The following MTMR12 variants were observed in gnomAD, a reference collection of about 807,000 sequenced individuals.
The protein encoded by MTMR12 is myotubularin-related protein 12.
A neutral mutation model predicts 96.7 loss-of-function variants in MTMR12; 33 were observed. That is an observed-to-expected ratio of 0.34 (90% CI 0.26 to 0.46). The LOEUF (loss-of-function observed/expected upper bound fraction) is 0.46. Ranked by LOEUF, MTMR12 falls within the 20% of genes least tolerant of loss-of-function variation. The pLI is 1.00. For synonymous variants in MTMR12, 298 were observed against 327.2 expected (o/e 0.91, Z 0.96); for missense variants, 721 against 896.1 (o/e 0.80, Z 2.49).
chr5:32,302,061 T>G (rs1333591259), intron 1 of MTMR12, among the ~76,000 whole-genome samples: 3 of 152,190 alleles, frequency 2.0e-5, no homozygotes, highest in Non-Finnish European at 4.4e-5. Context: ...AGGGCTTCCC[T>G]TGCCCCCACT....
In MTMR12 at chr5:32,251,251, T is replaced by C. The variant is rs4867422; in HGVS notation, c.790-2373A>G. On this transcript the variant is annotated intron_variant, in intron 8 of 15. Transcript: ENST00000382142. Reference sequence around the variant, plus strand: ...TTTGTATTTTTAGTAGAGACGGGGTTTCACCGTTTTACCTCGTGATCCGCC... The same window carrying C: ...TTTGTATTTTTAGTAGAGACGGGGTCTCACCGTTTTACCTCGTGATCCGCC... 4.4e-3 allele frequency among the ~76,000 whole-genome samples: 671 copies of C among 152,162 alleles called. 21 individuals are homozygous for C. Among genetic ancestry groups the C allele is most frequent in the East Asian group, 0.037 (192 of 5,168 alleles).
At chr5:32,278,804 G>A (rs187331658) in intron 1 of MTMR12, among the ~76,000 whole-genome samples, 1 of 152,252 alleles carries the variant, frequency 6.6e-6, no homozygotes, top group African/African-American at 2.4e-5. Flanking sequence ...TTGGCCAGGT[G>A]TGGTGGCTCA....
At chr5:32,238,841 T>A (rs1748342802) in intron 13 of MTMR12, among the ~76,000 whole-genome samples, 160 bp downstream of exon 13, 1 of 152,238 alleles carries the variant, frequency 6.6e-6, no homozygotes. Context: ...ATTTAAAGTA[T>A]CCAAAGTCAT....
rs1187891201 is a variant in MTMR12 at position 32,227,715 on chromosome 5, A to T, written c.*2063T>A. The T allele has an allele frequency of 1.3e-5, 2 of 152,658 alleles. No individual in the cohort carries two copies. The highest frequency in any genetic ancestry group is 6.5e-5 in the Admixed American group (1 of 15,278). 9.5% of individuals were successfully genotyped at this position (152,658 alleles called of 1,614,324 possible). On this transcript the variant is annotated 3_prime_UTR_variant, in exon 16 of 16. Transcript: ENST00000382142. ...AAGTGGAGGTTAGTGCTAATTTAAG[A>T]AGGCCTATAGAATGTATGTGAAGGT...
At chr5:32,277,988 C>G (rs1581626764) in intron 1 of MTMR12, among the ~76,000 whole-genome samples, 1 of 152,206 alleles carries the variant, frequency 6.6e-6, no homozygotes, top group African/African-American at 2.4e-5. Context: ...TCATTTCTAA[C>G]AGAGAATCAA....
chr5:32,242,362 G>A (rs973236968), intron 11 of MTMR12, among the ~76,000 whole-genome samples: 1 of 152,098 alleles, frequency 6.6e-6, no homozygotes, highest in Non-Finnish European at 1.5e-5. Context: ...TAAAGTTGAT[G>A]TGAAAATGCT....
At chr5:32,243,901 T>C (rs1371171141) in intron 10 of MTMR12, among the ~76,000 whole-genome samples, 2 of 152,188 alleles carry the variant, frequency 1.3e-5, no homozygotes, top group African/African-American at 4.8e-5. Context: ...GAGAGTAACA[T>C]GCTTTAGGCA....
At chr5:32,292,458 T>G (rs1750771799) in intron 1 of MTMR12, among the ~76,000 whole-genome samples, 1 of 152,132 alleles carries the variant, frequency 6.6e-6, no homozygotes, top group Non-Finnish European at 1.5e-5. Flanking sequence ...TCCATTAAAC[T>G]GGAAGTTAAG....
intron 1 of MTMR12, among the ~76,000 whole-genome samples, chr5:32,305,620 G>T (rs921386837): frequency 2.0e-4 from 30 of 152,080 alleles, no homozygotes; most frequent in Non-Finnish European, 3.4e-4. Flanking sequence ...CTGGGATACC[G>T]CGGCCGGGCG....
chr5:32,267,511 C>T (rs1216375667), intron 6 of MTMR12, among the ~76,000 whole-genome samples: 2 of 152,088 alleles, frequency 1.3e-5, no homozygotes, highest in Non-Finnish European at 2.9e-5. Context: ...TTCAGATGAC[C>T]AGTTTTGTTC....
In MTMR12 at chr5:32,274,134, CA is replaced by C. The variant is rs746115953; in HGVS notation, c.143-13del. The C allele has an allele frequency of 6.2e-7, 1 of 1,613,622 alleles. No homozygotes were observed. Among genetic ancestry groups the C allele is most frequent in the Non-Finnish European group, 8.5e-7 (1 of 1,179,806 alleles). Reference sequence around the variant, plus strand: ...AAGCAGCTGTTCACCTGGTAGAAACCAAAACAGGTCCTCCTTAGAGTTCTCA... The same window carrying C: ...AAGCAGCTGTTCACCTGGTAGAAACCAAACAGGTCCTCCTTAGAGTTCTCA... On this transcript the variant is annotated splice_polypyrimidine_tract_variant and intron_variant, in intron 2 of 15. Transcript: ENST00000382142.
chr5:32,249,158 C>CATT (rs531559046), intron 8 of MTMR12, among the ~76,000 whole-genome samples: 1 of 152,234 alleles, frequency 6.6e-6, no homozygotes, highest in African/African-American at 2.4e-5. Flanking sequence ...ACAACAACAA[C>CATT]ATTATTATTA....
chr5:32,311,787 A>C (rs976950456), intron 1 of MTMR12, among the ~76,000 whole-genome samples: 8 of 151,448 alleles, frequency 5.3e-5, no homozygotes. Context: ...ACACACTCCC[A>C]CCTCACGACC....
chr5:32,306,804 T>C (rs1430492496), intron 1 of MTMR12, among the ~76,000 whole-genome samples: 1 of 152,172 alleles, frequency 6.6e-6, no homozygotes, highest in Non-Finnish European at 1.5e-5. Context: ...GCAGAGTATA[T>C]TATCTTTAAA....
intron 7 of MTMR12, chr5:32,256,019 T>G (rs1749118842): frequency 3.6e-6 from 1 of 281,406 alleles, no homozygotes; most frequent in Admixed American, 5.2e-5. Flanking sequence ...TAAGTTATTC[T>G]ACCTCTCTGG....
chr5:32,296,378 C>T (rs1406176618), intron 1 of MTMR12: 5 of 196,504 alleles, frequency 2.5e-5, no homozygotes, highest in Non-Finnish European at 4.5e-5. Context: ...ACTTGGGAGG[C>T]TAAGGCAGGA....
intron 11 of MTMR12, among the ~76,000 whole-genome samples, chr5:32,242,756 G>A (rs746552418): frequency 2.6e-5 from 4 of 151,766 alleles, no homozygotes; most frequent in Non-Finnish European, 4.4e-5. Context: ...CACAAAGAAG[G>A]GTTCTTTGCT....
intron 1 of MTMR12, among the ~76,000 whole-genome samples, chr5:32,303,757 T>C (rs1053543193): frequency 1.2e-4 from 18 of 144,600 alleles, no homozygotes; most frequent in Admixed American, 1.5e-4. Flanking sequence ...GGCATCATCC[T>C]AACAAAGCCA....
At position 32,233,971 on chromosome 5, in the gene MTMR12, G is replaced by A; in HGVS notation, c.1513-37C>T. The A allele has an allele frequency of 3.1e-6, 5 of 1,612,388 alleles. 1 individual carries two copies. In the South Asian group the frequency reaches 3.3e-5, roughly 11 times the overall value. On this transcript the variant is annotated intron_variant, in intron 14 of 15. Transcript: ENST00000382142. This position sits in a 1 kb window ranked among gnomAD's most constrained non-coding sequence, Gnocchi z 5.0. ...AGCACAGGTCATGCTGTTTTCCAGG[G>A]AGGGCTGAGGAAGGCAAACACATAC...
Sources: gnomAD v4.1 joint callset for allele counts (sites outside exome capture counted in the v4.1 genomes callset) on GRCh38, gnomAD v4.1.1 for gene constraint, Gnocchi (gnomAD v3.1) non-coding constraint, MANE v1.5 for transcripts, NCBI Gene and HGNC (gene_info 2026-07-23, HGNC 2026-07-21) for gene names.